Variants in LMNTD1 observed in about 807,000 individuals in gnomAD.
The protein encoded by LMNTD1 is lamin tail domain-containing protein 1.
In LMNTD1, 35 loss-of-function variants were observed where a neutral mutation model predicts 50.9. The observed-to-expected ratio is 0.69, with a 90% CI of 0.53 to 0.91. LMNTD1 has a LOEUF of 0.91. LMNTD1 is among the 40% of genes least tolerant of loss of function. LMNTD1 has a pLI of 0.00. For synonymous variants in LMNTD1, 153 were observed against 161.9 expected (o/e 0.94, Z 0.42); for missense variants, 470 against 475.5 (o/e 0.99, Z 0.11).
intron 1 of LMNTD1, among the ~76,000 whole-genome samples, chr12:25,584,471 A>G (rs941518794): frequency 1.3e-5 from 2 of 152,142 alleles, no homozygotes; most frequent in African/African-American, 4.8e-5. Flanking sequence ...ACTTTCGAGA[A>G]TTGACTTCTA....
At chr12:25,498,546 TCTGTAGAAA>T (rs1456857851) in intron 9 of LMNTD1, among the ~76,000 whole-genome samples, 7 of 152,186 alleles carry the variant, frequency 4.6e-5, no homozygotes, top group Non-Finnish European at 1.0e-4. Context: ...GGAAAATGCA[TCTGTAGAAA>T]CTGTGGAAGT....
At chr12:25,559,857 T>C (rs1224761762) in intron 1 of LMNTD1, among the ~76,000 whole-genome samples, 1 of 152,256 alleles carries the variant, frequency 6.6e-6, no homozygotes, top group African/African-American at 2.4e-5. Flanking sequence ...TTGAGAAGTG[T>C]CTGTTCATAT....
At chr12:25,527,675 TATATATAC>T (rs1255254037) in intron 4 of LMNTD1, among the ~76,000 whole-genome samples, 1,343 of 21,914 alleles carry the variant, frequency 0.061, 45 homozygotes, top group Middle Eastern at 0.12. Context: ...TATATATATA[TATATATAC>T]ACACACACAC....
intron 1 of LMNTD1, among the ~76,000 whole-genome samples, chr12:25,582,260 AC>A (rs1489709332): frequency 3.9e-5 from 6 of 152,110 alleles, no homozygotes; most frequent in African/African-American, 1.4e-4. Context: ...GCCACAAATA[AC>A]CCTGTCTATG....
intron 1 of LMNTD1, among the ~76,000 whole-genome samples, chr12:25,619,148 T>C (rs1443696748): frequency 6.6e-6 from 1 of 151,614 alleles, no homozygotes; most frequent in Non-Finnish European, 1.5e-5. Context: ...GCCTGTGTAC[T>C]TGTACAGGAG....
chr12:25,507,781 C>T (rs1939925800), intron 8 of LMNTD1, among the ~76,000 whole-genome samples: 1 of 152,180 alleles, frequency 6.6e-6, no homozygotes, highest in Non-Finnish European at 1.5e-5. Flanking sequence ...TCTAAATTTC[C>T]CTGGACCTGT....
intron 7 of LMNTD1, among the ~76,000 whole-genome samples, chr12:25,519,587 C>CAAAAA (rs58304861): frequency 2.1e-5 from 2 of 94,716 alleles, no homozygotes; most frequent in African/African-American, 1.0e-4. Flanking sequence ...GACTCTGTCT[C>CAAAAA]AAAAAAAAAA....
intron 1 of LMNTD1, among the ~76,000 whole-genome samples, chr12:25,625,525 C>A (rs1043839599): frequency 6.6e-6 from 1 of 152,158 alleles, no homozygotes; most frequent in Non-Finnish European, 1.5e-5. Context: ...GGGTCCTACA[C>A]CTCACAGCTG....
intron 1 of LMNTD1, among the ~76,000 whole-genome samples, chr12:25,635,016 G>A (rs1239452195): frequency 6.6e-6 from 1 of 152,084 alleles, no homozygotes; most frequent in Non-Finnish European, 1.5e-5. Flanking sequence ...CGAGGCCGTG[G>A]CTCACCTCAG....
At position 25,549,538 on chromosome 12, in the gene LMNTD1, T is replaced by A; in HGVS notation, c.98A>T (p.Asp33Val). The change falls in exon 3 of 10, where the codon GAC (aspartate) becomes GTC (valine). Residue 33 changes from aspartate (D) to valine (V), a missense_variant. Transcript: ENST00000458174. ...TACTAAAGAATATACTCCAAGTTTGTCTTCTCTTCTGTGTACAAAAAATAT... is the reference window on the plus strand; with the variant it reads ...TACTAAAGAATATACTCCAAGTTTGACTTCTCTTCTGTGTACAAAAAATAT... ...DKNEKQKQRE[D>V]KLGVYSLVHF... The A allele has an allele frequency of 6.3e-7, 1 of 1,595,588 alleles. No individual in the cohort carries two copies. The highest frequency in any genetic ancestry group is 8.6e-7 in the Non-Finnish European group (1 of 1,166,058).
intron 9 of LMNTD1, among the ~76,000 whole-genome samples, chr12:25,483,974 C>T (rs1938527654): frequency 6.6e-6 from 1 of 151,828 alleles, no homozygotes; most frequent in South Asian, 2.1e-4. Flanking sequence ...ATGTCTATTT[C>T]TACAAAGTTC....
intron 1 of LMNTD1, among the ~76,000 whole-genome samples, chr12:25,606,450 A>T (rs1946105671): frequency 6.6e-6 from 1 of 152,190 alleles, no homozygotes. Context: ...TCCATTCAGT[A>T]TGATATTGGC....
intron 1 of LMNTD1, among the ~76,000 whole-genome samples, chr12:25,578,920 C>T (rs934834513): frequency 3.2e-4 from 48 of 152,098 alleles, no homozygotes; most frequent in African/African-American, 1.1e-3. Flanking sequence ...TAAATTGACC[C>T]AAACCATCTA....
At chr12:25,567,477 T>G (rs906523699) in intron 1 of LMNTD1, among the ~76,000 whole-genome samples, 1 of 152,228 alleles carries the variant, frequency 6.6e-6, no homozygotes, top group African/African-American at 2.4e-5. Context: ...TTTATTCTTA[T>G]AATGATGTGA....
intron 9 of LMNTD1, among the ~76,000 whole-genome samples, chr12:25,483,611 A>T (rs1165851499): frequency 1.3e-5 from 2 of 151,570 alleles, no homozygotes; most frequent in Admixed American, 6.6e-5. Context: ...GCCTCTACTA[A>T]AAATACAAAA....
intron 9 of LMNTD1, among the ~76,000 whole-genome samples, chr12:25,491,322 A>T (rs1294247402): frequency 6.6e-6 from 1 of 152,236 alleles, no homozygotes; most frequent in East Asian, 1.9e-4. Flanking sequence ...ACCTTATTTA[A>T]CCAAAAAAGC....
At chr12:25,548,623 G>T (rs1943568853) in intron 3 of LMNTD1, among the ~76,000 whole-genome samples, 1 of 151,818 alleles carries the variant, frequency 6.6e-6, no homozygotes, top group African/African-American at 2.4e-5. Flanking sequence ...ACTCTACCTG[G>T]TGCCTAACAT....
At chr12:25,646,622 T>C (rs561920512) in intron 1 of LMNTD1, among the ~76,000 whole-genome samples, 2 of 152,318 alleles carry the variant, frequency 1.3e-5, no homozygotes, top group African/African-American at 4.8e-5. Context: ...TGATGATTGC[T>C]GGAGTAAAAG....
chr12:25,623,510 C>T (rs1284679316), intron 1 of LMNTD1, among the ~76,000 whole-genome samples: 9 of 120,676 alleles, frequency 7.5e-5, no homozygotes, highest in Admixed American at 1.1e-4. Context: ...GCCAAGATTG[C>T]GCCATTGCAC....
Sources: allele counts gnomAD v4.1 joint callset (sites outside exome capture counted in the v4.1 genomes callset), GRCh38; gene constraint gnomAD v4.1.1; transcripts MANE v1.5; gene names NCBI Gene and HGNC (gene_info 2026-07-23, HGNC 2026-07-21).